WWTR1: variants seen among roughly 807,000 people sequenced by gnomAD.
The protein encoded by WWTR1 is WW domain containing transcription regulator 1, also known as WW domain-containing transcription regulator protein 1.
A neutral mutation model predicts 40.1 loss-of-function variants in WWTR1; 13 were observed. The observed-to-expected ratio is 0.32, with a 90% CI of 0.21 to 0.52. The LOEUF is 0.52. Among genes scored for constraint, WWTR1 ranks in the 20% least tolerant of loss-of-function variants. The pLI, the probability that WWTR1 is intolerant of heterozygous loss-of-function variation, is 0.97. For synonymous variants in WWTR1, 230 were observed against 210.1 expected (o/e 1.09, Z -0.82); for missense variants, 436 against 523.1 (o/e 0.83, Z 1.63).
chr3:149,624,659 C>G (rs151311598), intron 2 of WWTR1, among the ~76,000 whole-genome samples: 1 of 152,110 alleles, frequency 6.6e-6, no homozygotes, highest in Non-Finnish European at 1.5e-5. Flanking sequence ...TGAACTGATA[C>G]GTACTGTTTC....
intron 3 of WWTR1, among the ~76,000 whole-genome samples, chr3:149,560,168 G>T (rs566769566): frequency 6.6e-6 from 1 of 152,350 alleles, no homozygotes; most frequent in East Asian, 1.9e-4. Context: ...GATGGAGAAG[G>T]CACCAGTGAA....
At chr3:149,542,218 T>A in intron 4 of WWTR1, 117 bp downstream of exon 4, 1 of 1,181,742 alleles carries the variant, frequency 8.5e-7, no homozygotes, top group Non-Finnish European at 1.2e-6. Flanking sequence ...AGTAGGGCTT[T>A]GAGCCCTATT....
intron 3 of WWTR1, 95 bp downstream of exon 3, chr3:149,572,769 C>A: frequency 4.9e-6 from 7 of 1,437,234 alleles, no homozygotes; most frequent in Non-Finnish European, 6.6e-6. Flanking sequence ...ATTGTTTGAG[C>A]CCACGAGTTC....
At chr3:149,531,024 T>G in intron 4 of WWTR1, among the ~76,000 whole-genome samples, 1 of 151,940 alleles carries the variant, frequency 6.6e-6, no homozygotes, top group East Asian at 1.9e-4. Flanking sequence ...AACCTTCACC[T>G]ACCGGGTTCA....
Position 149,520,450 on chromosome 3 carries a change from G to A in WWTR1, c.*355C>T, listed in dbSNP as rs1433990906. 1 of 168,870 alleles carries A rather than the reference G, an allele frequency of 5.9e-6. No homozygotes were observed. The highest frequency in any genetic ancestry group is 2.4e-5 in the African/African-American group (1 of 42,280). 10.5% of individuals were successfully genotyped at this position (168,870 alleles called of 1,614,324 possible). Reference sequence around the variant, plus strand: ...AACTGCCTGTGGTCAGCTTTTTATGGTTTAAAATCAATTGGTGTATAAATT... The same window carrying A: ...AACTGCCTGTGGTCAGCTTTTTATGATTTAAAATCAATTGGTGTATAAATT... On this transcript the variant is annotated 3_prime_UTR_variant, in exon 7 of 7. Coordinates refer to ENST00000360632, the MANE Select transcript of WWTR1 (RefSeq NM_015472.6).
intron 2 of WWTR1, 129 bp from the exon 3 acceptor site, chr3:149,573,129 G>C: frequency 3.8e-6 from 4 of 1,051,804 alleles, no homozygotes; most frequent in Non-Finnish European, 5.4e-6. Context: ...GATAGATTGT[G>C]CTTGGTTTCA....
intron 2 of WWTR1, among the ~76,000 whole-genome samples, chr3:149,664,303 G>A (rs1451993412): frequency 3.3e-5 from 5 of 152,212 alleles, no homozygotes; most frequent in African/African-American, 1.2e-4. Flanking sequence ...GAAGAGTCCA[G>A]AAAACTATTG....
intron 4 of WWTR1, 32 bp from the exon 5 acceptor site, chr3:149,528,001 A>T (rs376238609): frequency 1.0e-4 from 163 of 1,599,522 alleles, no homozygotes; most frequent in Non-Finnish European, 1.3e-4. Flanking sequence ...AGAGTCATGC[A>T]CTCATTGTCA....
At chr3:149,575,099 A>C (rs7630737) in intron 2 of WWTR1, among the ~76,000 whole-genome samples, 18,697 of 151,154 alleles carry the variant, frequency 0.12, 1,406 homozygotes, top group South Asian at 0.3. Flanking sequence ...ATCCCCCCCA[A>C]AAAAAAAAGA....
intron 1 of WWTR1, among the ~76,000 whole-genome samples, chr3:149,672,541 G>T (rs1466687148): frequency 2.6e-5 from 4 of 151,748 alleles, no homozygotes; most frequent in Non-Finnish European, 5.9e-5. Flanking sequence ...AATTATTATT[G>T]GTGTAAAAAT....
At chr3:149,680,709 C>T (rs1714432717) in intron 1 of WWTR1, among the ~76,000 whole-genome samples, 2 of 151,854 alleles carry the variant, frequency 1.3e-5, no homozygotes, top group South Asian at 2.1e-4. Context: ...AGGCTTAATG[C>T]CATGCACCTG....
chr3:149,594,959 T>C (rs1368450196), intron 2 of WWTR1, among the ~76,000 whole-genome samples: 1 of 118,572 alleles, frequency 8.4e-6, no homozygotes, highest in East Asian at 2.3e-4. Context: ...ACTTTTTTTT[T>C]TTTTTTTTTT....
intron 2 of WWTR1, among the ~76,000 whole-genome samples, chr3:149,643,243 T>C (rs1712288288): frequency 6.6e-6 from 1 of 152,246 alleles, no homozygotes; most frequent in Non-Finnish European, 1.5e-5. Flanking sequence ...ATAGGAAAGA[T>C]AAACATTTAT....
intron 3 of WWTR1, among the ~76,000 whole-genome samples, chr3:149,558,202 T>G (rs1254275999): frequency 6.6e-6 from 1 of 151,936 alleles, no homozygotes; most frequent in Non-Finnish European, 1.5e-5. Context: ...GAAGGAGAAA[T>G]GGGTTTTTTG....
chr3:149,554,806 C>T lies in WWTR1; in HGVS notation c.569-12269G>A, dbSNP rs114327007. 8.3e-3 allele frequency among the ~76,000 whole-genome samples: 1,260 copies of T among 152,228 alleles called. 13 individuals are homozygous for T. The highest frequency in any genetic ancestry group is 0.01 in the Non-Finnish European group (710 of 68,012). On this transcript the variant is annotated intron_variant, in intron 3 of 6. Transcript: ENST00000360632. ...ATCTCAAGATTTATCACAAGTGGCCCGTGGCAGGAAGCACCTCTATGGAGT... is the reference window on the plus strand; with the variant it reads ...ATCTCAAGATTTATCACAAGTGGCCTGTGGCAGGAAGCACCTCTATGGAGT...
intron 3 of WWTR1, among the ~76,000 whole-genome samples, chr3:149,565,422 A>G (rs1737269527): frequency 6.6e-6 from 1 of 152,078 alleles, no homozygotes; most frequent in Non-Finnish European, 1.5e-5. Flanking sequence ...AAAACCTATA[A>G]GTCTCCATCA....
intron 4 of WWTR1, among the ~76,000 whole-genome samples, chr3:149,537,901 G>A (rs1735908101): frequency 1.3e-5 from 2 of 152,050 alleles, no homozygotes; most frequent in African/African-American, 2.4e-5. Context: ...AATCACTAAA[G>A]TAACTCAGTA....
chr3:149,643,702 A>G (rs6780466), intron 2 of WWTR1, among the ~76,000 whole-genome samples: 2,979 of 152,234 alleles, frequency 0.02, 99 homozygotes, highest in African/African-American at 0.069. Context: ...CTGAATTATC[A>G]TAAGAATTAG....
exon 3 of WWTR1, chr3:149,724,776 C>G (rs755322272): frequency 6.6e-6 from 1 of 151,660 alleles, no homozygotes; most frequent in Non-Finnish European, 1.5e-5. Flanking sequence ...AGTTCCATCA[C>G]TTTTTTGTTG....
Sources: allele counts gnomAD v4.1 joint callset (sites outside exome capture counted in the v4.1 genomes callset), GRCh38; gene constraint gnomAD v4.1.1; transcripts MANE v1.5; gene names NCBI Gene and HGNC (gene_info 2026-07-23, HGNC 2026-07-21).